Variants in RIC3 observed in about 807,000 individuals in gnomAD.
RIC3 encodes RIC3 acetylcholine receptor chaperone, also known as protein RIC-3.
In RIC3, 28 loss-of-function variants were observed where a neutral mutation model predicts 27.3. The ratio of observed to expected loss-of-function variants is 1.02; its 90% CI spans 0.76 to 1.41. The LOEUF (loss-of-function observed/expected upper bound fraction) is 1.41, where lower values mean the gene tolerates loss of function less well. Among genes scored for constraint, RIC3 ranks in the 40% most tolerant of loss-of-function variants. The pLI is 0.00. For synonymous variants in RIC3, 184 were observed against 160.4 expected (o/e 1.15, Z -1.11); for missense variants, 501 against 444.7 (o/e 1.13, Z -1.14).
chr11:8,164,814 T>C (rs1450495063), intron 1 of RIC3, among the ~76,000 whole-genome samples: 1 of 134,510 alleles, frequency 7.4e-6, no homozygotes. Context: ...AAAAGACAAG[T>C]AATCTGACTT....
At chr11:8,155,368 G>T (rs1381052806) in intron 1 of RIC3, among the ~76,000 whole-genome samples, 1 of 152,116 alleles carries the variant, frequency 6.6e-6, no homozygotes, top group African/African-American at 2.4e-5. Flanking sequence ...CTGAGGTCAG[G>T]GGTTCAAGAC....
At chr11:8,137,504 G>A (rs1392661942) in intron 3 of RIC3, 33 bp from the exon 4 acceptor site, 3 of 1,576,134 alleles carry the variant, frequency 1.9e-6, no homozygotes, top group Admixed American at 1.7e-5. Flanking sequence ...AGAACCATCA[G>A]AGACAACTCC....
chr11:8,105,064 A>G (rs1052665381), downstream of RIC3: 1 of 152,114 alleles, frequency 6.6e-6, no homozygotes, highest in African/African-American at 2.4e-5. Context: ...CTTTGCTTAC[A>G]ATGGAGTCTG....
chr11:8,166,851 C>T (rs1246410004), intron 1 of RIC3, among the ~76,000 whole-genome samples: 1 of 151,820 alleles, frequency 6.6e-6, no homozygotes, highest in Admixed American at 6.6e-5. Flanking sequence ...CTCTGCACTC[C>T]AGCCTGGGTG....
rs138319923 is a variant in RIC3, at chr11:8,155,896, G to A, written c.124+12970C>T. Among the ~76,000 whole-genome samples the A allele has an allele frequency of 6.4e-3, 974 of 152,316 alleles. 22 individuals are homozygous for A. Among genetic ancestry groups the A allele is most frequent in the Admixed American group, 0.051 (783 of 15,298 alleles). On this transcript the variant is annotated intron_variant, in intron 1 of 5. Transcript: ENST00000309737. Reference sequence around the variant, plus strand: ...CATATTTGATTCAGCATTACTTGAAGTAGAAGCCAAGACAATAGCTGTTTC... The same window carrying A: ...CATATTTGATTCAGCATTACTTGAAATAGAAGCCAAGACAATAGCTGTTTC...
intron 1 of RIC3, among the ~76,000 whole-genome samples, chr11:8,163,698 A>G (rs1590419233): frequency 6.6e-6 from 1 of 152,122 alleles, no homozygotes. Flanking sequence ...TAAATTAAAG[A>G]CCTAGATAAA....
rs1590474329 is a variant in RIC3 at position 8,168,947 on chromosome 11, G to A, written c.43C>T (p.Leu15Phe). The A allele has an allele frequency of 2.5e-6, 4 of 1,610,322 alleles. No individual in the cohort carries two copies. The highest frequency in any genetic ancestry group is 3.4e-6 in the Non-Finnish European group (4 of 1,178,368). Reference sequence around the variant, plus strand: ...AGCAGCAGCGACAGAGCCAGGACAAGCCCAGAAGCCAGAGCGACTCTCTGC... The same window carrying A: ...AGCAGCAGCGACAGAGCCAGGACAAACCCAGAAGCCAGAGCGACTCTCTGC... The part of the protein sequence containing the change: ...TVQRVALASG[L>F]VLALSLLLPK... The change falls in exon 1 of 6, where the codon CTT (leucine) becomes TTT (phenylalanine). Residue 15 changes from leucine to phenylalanine, a missense_variant. Leu to Phe is a conservative substitution (Grantham distance 22). Transcript: ENST00000309737.
intron 1 of RIC3, among the ~76,000 whole-genome samples, chr11:8,166,515 T>A (rs1187879580): frequency 1.3e-5 from 2 of 152,192 alleles, no homozygotes; most frequent in Non-Finnish European, 2.9e-5. Context: ...TTCTGAGAAT[T>A]CTCTGAATTG....
intron 4 of RIC3, chr11:8,128,492 G>T (rs764130575): frequency 6.2e-5 from 21 of 340,592 alleles, no homozygotes; most frequent in Non-Finnish European, 9.8e-5. Flanking sequence ...ATTAATCATG[G>T]TCTACCTTAT....
At chr11:8,135,365 A>T (rs1157693875) in intron 4 of RIC3, among the ~76,000 whole-genome samples, 7 of 152,310 alleles carry the variant, frequency 4.6e-5, no homozygotes. Flanking sequence ...TACCAGTACC[A>T]TGCTGTTTTG....
downstream of RIC3, chr11:8,101,461 T>C (rs757378236): frequency 1.3e-5 from 13 of 1,028,602 alleles, no homozygotes; most frequent in Admixed American, 3.2e-5. Flanking sequence ...TCCTTTTCTC[T>C]GTCTGTGCCT....
chr11:8,126,499 ACT>A (rs1292969957), intron 5 of RIC3, among the ~76,000 whole-genome samples, 158 bp downstream of exon 5: 1 of 152,178 alleles, frequency 6.6e-6, no homozygotes, highest in Admixed American at 6.5e-5. Flanking sequence ...GATTACACAA[ACT>A]CTATATATTT....
At chr11:8,147,253 T>C (rs1273328925) in intron 1 of RIC3, among the ~76,000 whole-genome samples, 1 of 152,198 alleles carries the variant, frequency 6.6e-6, no homozygotes, top group Non-Finnish European at 1.5e-5. Context: ...CTAAAATGTA[T>C]AAAACTAAGC....
At chr11:8,151,339 G>T (rs939030681) in intron 1 of RIC3, among the ~76,000 whole-genome samples, 4 of 152,016 alleles carry the variant, frequency 2.6e-5, no homozygotes, top group Middle Eastern at 3.2e-3. Context: ...TGTAATCCCA[G>T]CACTTTGGGA....
the RIC3 span, chr11:8,097,605 A>T: frequency 6.2e-6 from 8 of 1,299,922 alleles, no homozygotes; most frequent in Non-Finnish European, 8.8e-6. Context: ...GTGTGCACAT[A>T]TGTGCGTTTG....
intron 5 of RIC3, among the ~76,000 whole-genome samples, chr11:8,120,086 TTGG>T (rs570341761): frequency 6.6e-4 from 101 of 152,302 alleles, no homozygotes; most frequent in African/African-American, 2.3e-3. Flanking sequence ...TTTTACACTG[TTGG>T]TGGGAGTGCA....
rs1037959902 is a variant in RIC3, at chr11:8,128,157, T to C, written c.522-1350A>G. The stretch of plus-strand genomic sequence containing the variant: ...GCTCGTGTGTCCCACATAACCCCTA[T>C]TTCTTACTGTTAAAACAACCCACTT... On this transcript the variant is annotated intron_variant, in intron 4 of 5. Coordinates refer to ENST00000309737, the MANE Select transcript of RIC3 (RefSeq NM_001206671.4). The C allele has an allele frequency of 3.7e-5, 17 of 456,916 alleles. 1 individual carries two copies. The highest frequency in any genetic ancestry group is 2.4e-4 in the African/African-American group (12 of 50,198). 28.3% of individuals were successfully genotyped at this position (456,916 alleles called of 1,614,324 possible). A position where few individuals can be genotyped will look rare whatever the true frequency, so the allele number is the denominator to read the frequency against.
At chr11:8,156,445 T>A (rs148514720) in intron 1 of RIC3, among the ~76,000 whole-genome samples, 62 of 152,302 alleles carry the variant, frequency 4.1e-4, no homozygotes, top group Non-Finnish European at 7.1e-4. Flanking sequence ...AATTACAGAT[T>A]AAATAATATC....
At chr11:8,135,427 G>C in intron 4 of RIC3, among the ~76,000 whole-genome samples, 1 of 152,174 alleles carries the variant, frequency 6.6e-6, no homozygotes, top group Non-Finnish European at 1.5e-5. Flanking sequence ...GATGCCTCCA[G>C]CTTTGTTCTT....
Sources: allele counts gnomAD v4.1 joint callset (sites outside exome capture counted in the v4.1 genomes callset), GRCh38; gene constraint gnomAD v4.1.1; transcripts MANE v1.5; gene names NCBI Gene and HGNC (gene_info 2026-07-23, HGNC 2026-07-21).